Variants in SCN7A observed in about 807,000 individuals in gnomAD.
SCN7A encodes the protein sodium voltage-gated channel alpha subunit 7, also known as sodium channel protein type 7 subunit alpha.
SCN7A carries 138 observed loss-of-function variants against 155.2 expected under a neutral mutation model. That is an observed-to-expected ratio of 0.89 (90% CI 0.77 to 1.02). The LOEUF is 1.02. Among genes scored for constraint, SCN7A ranks in the 50% least tolerant of loss-of-function variants. SCN7A has a pLI of 0.00. For synonymous variants in SCN7A, 693 were observed against 649.0 expected, an observed-to-expected ratio of 1.07 and a Z score of -1.03; for missense variants, 2,058 against 1,986.6, an observed-to-expected ratio of 1.04 and a Z score of -0.68.
chr2:166,457,394 T>C (rs13014266), intron 10 of SCN7A, among the ~76,000 whole-genome samples: 89,172 of 152,024 alleles, frequency 0.59, 26,327 homozygotes, highest in Middle Eastern at 0.66. Context: ...TGTCATCTCT[T>C]GATATAGAAA....
intron 19 of SCN7A, among the ~76,000 whole-genome samples, chr2:166,421,602 T>G (rs1010984151): frequency 4.6e-5 from 7 of 152,106 alleles, no homozygotes; most frequent in Non-Finnish European, 1.0e-4. Flanking sequence ...ACATATCTTT[T>G]TTGTTTGAAA....
chr2:166,435,463 T>C (rs1701820205), intron 15 of SCN7A, among the ~76,000 whole-genome samples: 2 of 152,214 alleles, frequency 1.3e-5, no homozygotes, highest in Admixed American at 6.5e-5. Flanking sequence ...CAAAACTTTT[T>C]AAAAAATTCC....
intron 15 of SCN7A, among the ~76,000 whole-genome samples, chr2:166,439,409 C>T (rs147309695): frequency 6.6e-6 from 1 of 152,084 alleles, no homozygotes; most frequent in Non-Finnish European, 1.5e-5. Flanking sequence ...CTCTATTAGA[C>T]TTGATATAAT....
At chr2:166,446,803 G>C (rs922743346) in intron 12 of SCN7A, among the ~76,000 whole-genome samples, 1 of 152,040 alleles carries the variant, frequency 6.6e-6, no homozygotes, top group African/African-American at 2.4e-5. Context: ...CTCACTCATG[G>C]GTGGGAGTTA....
intron 13 of SCN7A, among the ~76,000 whole-genome samples, chr2:166,444,509 A>G (rs1307228527): frequency 2.0e-5 from 3 of 152,242 alleles, no homozygotes; most frequent in Non-Finnish European, 2.9e-5. Flanking sequence ...GTAACTGCCA[A>G]GCATCTGGCT....
Position 166,406,653 on chromosome 2 carries a change from G to A in SCN7A, c.3983-7C>T. 1 of 1,567,638 alleles carries A rather than the reference G, an allele frequency of 6.4e-7. No homozygotes were observed. The highest frequency in any genetic ancestry group is 8.7e-7 in the Non-Finnish European group (1 of 1,153,146). On this transcript the variant is annotated splice_polypyrimidine_tract_variant and splice_region_variant and intron_variant, in intron 25 of 25. Transcript: ENST00000643258. ...GTCATAGGCAGACATAGTCCTGGGG[G>A]TGGGAAAGATAAAGCAGGCTATACA...
chr2:166,409,520 T>TA (rs1279337106), intron 25 of SCN7A, 145 bp downstream of exon 25: 7 of 595,768 alleles, frequency 1.2e-5, no homozygotes, highest in Non-Finnish European at 2.0e-5. Flanking sequence ...CTGTTGAAAA[T>TA]AAAAAAAGAT....
rs977330592 is a variant in SCN7A, at chr2:166,410,408, A to C, written c.3607-84T>G. On this transcript the variant is annotated intron_variant, in intron 23 of 25. Coordinates refer to ENST00000643258, the MANE Select transcript of SCN7A (RefSeq NM_002976.4). ...TTAATAGGCATTTTAAAGACTTGGC[A>C]ATTATTGATTTAATCTTCTAAAAAA... 2.7e-5 allele frequency: 23 copies of C among 855,296 alleles called. No individual in the cohort carries two copies. In the African/African-American group the frequency reaches 3.0e-4, roughly 11 times the overall value. 53.0% of individuals were successfully genotyped at this position (855,296 alleles called of 1,614,324 possible). A position where few individuals can be genotyped will look rare whatever the true frequency, so the allele number is the denominator to read the frequency against.
intron 24 of SCN7A, 102 bp downstream of exon 24, chr2:166,410,118 A>C: frequency 8.7e-7 from 1 of 1,151,192 alleles, no homozygotes; most frequent in East Asian, 2.6e-5. Context: ...AGCTTTGTCA[A>C]GGGACACAAA....
At chr2:166,489,144 G>C (rs35650193) in intron 1 of SCN7A, among the ~76,000 whole-genome samples, 19,029 of 152,140 alleles carry the variant, frequency 0.13, 1,317 homozygotes, top group Middle Eastern at 0.16. Context: ...TACCTAGTTA[G>C]TTACAAAAAG....
intron 6 of SCN7A, 56 bp downstream of exon 6, chr2:166,472,260 TG>T (rs1702675995): frequency 2.0e-6 from 3 of 1,495,286 alleles, no homozygotes; most frequent in Admixed American, 4.8e-5. Context: ...TTATTTTTTA[TG>T]AAAAACATTT....
chr2:166,472,227 G>T, intron 6 of SCN7A, 90 bp downstream of exon 6: 1 of 1,326,526 alleles, frequency 7.5e-7, no homozygotes, highest in South Asian at 1.5e-5. Flanking sequence ...CTATCTGCAG[G>T]CCAAAATCTT....
At chr2:166,414,163 TATTA>T (rs1701286868) in intron 21 of SCN7A, among the ~76,000 whole-genome samples, 3 of 57,374 alleles carry the variant, frequency 5.2e-5, no homozygotes, top group Admixed American at 5.0e-4. Context: ...ATATATAATA[TATTA>T]TATATATGTA....
At chr2:166,406,950 A>G (rs1701090074) in intron 25 of SCN7A, among the ~76,000 whole-genome samples, 1 of 152,032 alleles carries the variant, frequency 6.6e-6, no homozygotes, top group Non-Finnish European at 1.5e-5. Context: ...TCTATAATGT[A>G]GGACAATAGT....
chr2:166,468,655 C>G (rs1485865802), intron 7 of SCN7A, among the ~76,000 whole-genome samples: 1 of 151,880 alleles, frequency 6.6e-6, no homozygotes, highest in Non-Finnish European at 1.5e-5. Context: ...ACTAAATACT[C>G]TCATTGCTAA....
chr2:166,464,178 A>G lies in SCN7A; in HGVS notation c.941+1284T>C, dbSNP rs1270762027. 4.0e-5 allele frequency among the ~76,000 whole-genome samples: 6 copies of G among 150,562 alleles called. 2 individuals carry two copies. The South Asian group carries it at 1.1e-3, about 26-fold the overall frequency. On this transcript the variant is annotated intron_variant, in intron 9 of 25. Transcript: ENST00000643258. ...TATATACACATATGTGTGTATATAT[A>G]TGTGTATATATGTATGTGTGTGTAT...
chr2:166,443,585 T>C lies in SCN7A; in HGVS notation c.1718A>G (p.Asp573Gly). The C allele has an allele frequency of 6.3e-7, 1 of 1,586,086 alleles. No homozygotes were observed. Among genetic ancestry groups the C allele is most frequent in the Non-Finnish European group, 8.6e-7 (1 of 1,165,142 alleles). Residue 573 changes from aspartate (D) to glycine (G), a missense_variant, in exon 14 of 26, where the codon GAT becomes GGT. Physicochemically the swap from Asp to Gly is moderately conservative, Grantham distance 94 (BLOSUM62 -1). Coordinates refer to ENST00000643258, the MANE Select transcript of SCN7A (RefSeq NM_002976.4). ...TAAACCATGGAACACTATCATGCTA[T>C]CAAAAATGTTCCAACCTACTTGGAA... ...GYFQVGWNIF[D>G]SMIVFHGLIE...
At chr2:166,437,942 G>T (rs755693688) in intron 15 of SCN7A, among the ~76,000 whole-genome samples, 1 of 152,102 alleles carries the variant, frequency 6.6e-6, no homozygotes, top group African/African-American at 2.4e-5. Flanking sequence ...TATCTCAGAT[G>T]AGACTTTGGA....
At chr2:166,412,143 C>T (rs1701215826) in intron 23 of SCN7A, among the ~76,000 whole-genome samples, 1 of 151,998 alleles carries the variant, frequency 6.6e-6, no homozygotes, top group Non-Finnish European at 1.5e-5. Flanking sequence ...GAAAGATGTC[C>T]ATGCTGGCTG....
Sources: gnomAD v4.1 joint callset for allele counts (sites outside exome capture counted in the v4.1 genomes callset) on GRCh38, gnomAD v4.1.1 for gene constraint, MANE v1.5 for transcripts, NCBI Gene and HGNC (gene_info 2026-07-23, HGNC 2026-07-21) for gene names.